CEP170: variants seen among roughly 807,000 people sequenced by gnomAD.
CEP170 encodes centrosomal protein of 170 kDa.
In CEP170, 21 loss-of-function variants were observed where a neutral mutation model predicts 151.9. That is an observed-to-expected ratio of 0.14 (90% CI 0.10 to 0.20). The LOEUF (loss-of-function observed/expected upper bound fraction) is 0.20. CEP170 is among the 10% of genes least tolerant of loss of function. The pLI is 1.00. For synonymous variants in CEP170, 356 were observed against 648.8 expected (o/e 0.55, Z 6.86); for missense variants, 964 against 1,892.9 (o/e 0.51, Z 9.11).
chr1:243,250,881 C>A (rs1407032854), intron 1 of CEP170, among the ~76,000 whole-genome samples: 3 of 152,170 alleles, frequency 2.0e-5, no homozygotes, highest in African/African-American at 7.2e-5. Flanking sequence ...GGGACAATTT[C>A]ACTGCACTTT....
intron 10 of CEP170, chr1:243,176,863 A>C (rs1356088301): frequency 2.5e-6 from 1 of 399,332 alleles, no homozygotes; most frequent in Non-Finnish European, 4.9e-6. Flanking sequence ...CCAAATATCC[A>C]TAAGAACCAA....
intron 1 of CEP170, among the ~76,000 whole-genome samples, chr1:243,239,362 A>G (rs1173543925): frequency 6.6e-6 from 1 of 151,974 alleles, no homozygotes; most frequent in Non-Finnish European, 1.5e-5. Context: ...CTCTTATCCC[A>G]CTGGTTCTTA....
intron 7 of CEP170, among the ~76,000 whole-genome samples, chr1:243,192,294 C>G (rs2060351972): frequency 6.6e-6 from 1 of 152,116 alleles, no homozygotes; most frequent in Non-Finnish European, 1.5e-5. Flanking sequence ...CTCAGATTAA[C>G]ATGAGTTGGC....
chr1:243,227,795 CCCT>C (rs2063420530), intron 1 of CEP170, among the ~76,000 whole-genome samples: 1 of 152,120 alleles, frequency 6.6e-6, no homozygotes, highest in Non-Finnish European at 1.5e-5. Context: ...AAGGTTTTGA[CCCT>C]GTGGACCCTT....
At chr1:243,157,676 T>C (rs1332273592) in intron 13 of CEP170, among the ~76,000 whole-genome samples, 3 of 152,318 alleles carry the variant, frequency 2.0e-5, no homozygotes, top group African/African-American at 7.2e-5. Flanking sequence ...TCCACTCTAA[T>C]TTTATGCCTT....
chr1:243,131,162 A>C (rs2054359862), intron 17 of CEP170, among the ~76,000 whole-genome samples: 1 of 152,208 alleles, frequency 6.6e-6, no homozygotes, highest in East Asian at 1.9e-4. Context: ...CTGAAAAAAA[A>C]ATGCCCCCCT....
chr1:243,204,269 C>T (rs2061261580), intron 4 of CEP170, among the ~76,000 whole-genome samples: 1 of 152,144 alleles, frequency 6.6e-6, no homozygotes, highest in Non-Finnish European at 1.5e-5. Context: ...GATCATTCAG[C>T]AGCCGTTATC....
At chr1:243,187,631 A>T (rs1488980964) in intron 8 of CEP170, among the ~76,000 whole-genome samples, 1 of 152,216 alleles carries the variant, frequency 6.6e-6, no homozygotes, top group Admixed American at 6.5e-5. Context: ...CAAAATAATG[A>T]TCAGACACGA....
At chr1:243,180,719 T>C (rs1402462876) in intron 10 of CEP170, among the ~76,000 whole-genome samples, 1 of 152,208 alleles carries the variant, frequency 6.6e-6, no homozygotes, top group Non-Finnish European at 1.5e-5. Flanking sequence ...GGAATATTTT[T>C]ACAGGGTCCA....
chr1:243,188,826 ATTTATTT>A (rs1216087928), intron 8 of CEP170, among the ~76,000 whole-genome samples: 1 of 152,250 alleles, frequency 6.6e-6, no homozygotes, highest in African/African-American at 2.4e-5. Flanking sequence ...CTATAATTAC[ATTTATTT>A]AGAGTCTGGC....
At chr1:243,221,936 G>T in intron 2 of CEP170, 123 bp from the exon 3 acceptor site, 1 of 750,580 alleles carries the variant, frequency 1.3e-6, no homozygotes, top group Non-Finnish European at 2.0e-6. Context: ...AGTAAGTGTG[G>T]ATTAAATGAG....
chr1:243,221,222 A>T lies in CEP170; in HGVS notation c.195+502T>A, dbSNP rs181868125. On this transcript the variant is annotated intron_variant, in intron 3 of 19. Transcript: ENST00000366542. ...TGCATGTTTAGTAGAGAGGGGGTTC[A>T]CCGTGTTAGCCAGGATGGTCTGGAT... Among the ~76,000 whole-genome samples the T allele has an allele frequency of 3.8e-4, 58 of 152,184 alleles. 1 individual carries two copies. In the East Asian group the frequency reaches 0.011, roughly 29 times the overall value.
chr1:243,137,700 G>A (rs865836016), intron 16 of CEP170, among the ~76,000 whole-genome samples: 1 of 151,804 alleles, frequency 6.6e-6, no homozygotes, highest in Non-Finnish European at 1.5e-5. Context: ...GCTTGAACCT[G>A]GGAGGCAGAG....
chr1:243,246,335 G>A (rs779736803), intron 1 of CEP170, among the ~76,000 whole-genome samples: 2 of 149,210 alleles, frequency 1.3e-5, no homozygotes, highest in Middle Eastern at 3.2e-3. Flanking sequence ...GGATTAAAGC[G>A]ATTCTCCTGC....
chr1:243,135,972 T>C, intron 17 of CEP170, 171 bp downstream of exon 17: 1 of 825,358 alleles, frequency 1.2e-6, no homozygotes, highest in African/African-American at 1.8e-5. Flanking sequence ...CTATTTATGT[T>C]TTGAATTACT....
In CEP170 at chr1:243,165,938, G is replaced by C. The variant is rs1227826105; in HGVS notation, c.2022C>G (p.Asp674Glu). Residue 674 changes from aspartate to glutamate, a missense_variant, in exon 13 of 20, where the codon GAC (aspartate) becomes GAG (glutamate). Transcript: ENST00000366542. ...GTGTTTCTTTCTCCTGAAGTTCTGT[G>C]TCTTGTTTTTCTCCTATCTCTGACC... Reference protein sequence around the residue: ...TQRSEIGEKQDTELQEKETPT... With the variant: ...TQRSEIGEKQETELQEKETPT... 3.1e-6 allele frequency: 5 copies of C among 1,613,598 alleles called. No homozygotes were observed. The South Asian group carries it at 4.4e-5, about 14-fold the overall frequency.
At chr1:243,144,230 C>A (rs2056207252) in intron 14 of CEP170, among the ~76,000 whole-genome samples, 1 of 152,160 alleles carries the variant, frequency 6.6e-6, no homozygotes, top group Non-Finnish European at 1.5e-5. Flanking sequence ...TCATAGTCCT[C>A]AACTCATTTA....
chr1:243,150,608 G>C (rs545038657), intron 14 of CEP170, among the ~76,000 whole-genome samples: 45 of 152,276 alleles, frequency 3.0e-4, no homozygotes, highest in African/African-American at 1.1e-3. Context: ...GGTAAGCCCA[G>C]CATTTTATAA....
chr1:243,182,257 C>T (rs1055481267), intron 10 of CEP170, among the ~76,000 whole-genome samples: 2 of 152,026 alleles, frequency 1.3e-5, no homozygotes, highest in Non-Finnish European at 2.9e-5. Flanking sequence ...ATAAGCCAGC[C>T]ATATGTGGAG....
Sources: allele counts gnomAD v4.1 joint callset (sites outside exome capture counted in the v4.1 genomes callset), GRCh38; gene constraint gnomAD v4.1.1; transcripts MANE v1.5; gene names NCBI Gene and HGNC (gene_info 2026-07-23, HGNC 2026-07-21).